WDR33: variants seen among roughly 807,000 people sequenced by gnomAD.
WDR33 encodes WD repeat domain 33, also known as pre-mRNA 3' end processing protein WDR33.
In WDR33, 47 loss-of-function variants were observed where a neutral mutation model predicts 164.9. That is an observed-to-expected ratio of 0.29 (90% CI 0.23 to 0.36). WDR33 has a LOEUF of 0.36. Ranked by LOEUF, WDR33 falls within the 10% of genes least tolerant of loss-of-function variation. The pLI, the probability that WDR33 is intolerant of heterozygous loss-of-function variation, is 1.00. For missense variants in WDR33, 1,137 were observed against 1,754.1 expected (o/e 0.65, Z 6.28); for synonymous variants, 505 against 589.0 (o/e 0.86, Z 2.06).
chr2:127,805,302 G>C (rs1371104187), intron 1 of WDR33, among the ~76,000 whole-genome samples: 1 of 151,292 alleles, frequency 6.6e-6, no homozygotes, highest in Admixed American at 6.6e-5. Flanking sequence ...GGCTGGTCTT[G>C]AACTCCTGGG....
chr2:127,786,537 G>A (rs1225594083), intron 1 of WDR33, among the ~76,000 whole-genome samples: 2 of 152,114 alleles, frequency 1.3e-5, no homozygotes, highest in Non-Finnish European at 2.9e-5. Context: ...ACAAACATTA[G>A]CTGGGCATGG....
Position 127,718,747 on chromosome 2 carries a change from C to G in WDR33, c.2760+518G>C, listed in dbSNP as rs2105379361. Among the ~76,000 whole-genome samples the G allele has an allele frequency of 6.6e-6, 1 of 152,288 alleles. No homozygotes were observed. The highest frequency in any genetic ancestry group is 1.9e-4 in the East Asian group (1 of 5,188). On this transcript the variant is annotated intron_variant, in intron 16 of 21. Coordinates refer to ENST00000322313, the MANE Select transcript of WDR33 (RefSeq NM_018383.5). This position sits in a 1 kb window ranked among gnomAD's most constrained non-coding sequence, Gnocchi z 4.4. ...CTTTATTTCTATTCACTGTAATAAA[C>G]AGAGTGAGGTACAGAGTCTATAGTA...
chr2:127,721,077 A>G lies in WDR33; in HGVS notation c.1672-724T>C, dbSNP rs1686426091. The stretch of plus-strand genomic sequence containing the variant: ...AAAAATGTATATTTAACTTAGATCT[A>G]CTCACTGCCCCACTAATTCAGTTTT... On this transcript the variant is annotated intron_variant, in intron 15 of 21. Coordinates refer to ENST00000322313, the MANE Select transcript of WDR33 (RefSeq NM_018383.5). The surrounding 1 kb of genome is among the most constrained non-coding windows in gnomAD (Gnocchi z 4.9). Among the ~76,000 whole-genome samples the G allele has an allele frequency of 6.6e-6, 1 of 152,094 alleles. No individual in the cohort carries two copies. The highest frequency in any genetic ancestry group is 2.4e-5 in the African/African-American group (1 of 41,416).
chr2:127,735,778 G>A lies in WDR33; in HGVS notation c.725-9001C>T, dbSNP rs959457004. The A allele has an allele frequency of 4.0e-5, 39 of 985,276 alleles. No individual in the cohort carries two copies. The highest frequency in any genetic ancestry group is 5.2e-5 in the African/African-American group (3 of 57,228). The allele number at this position is 985,276 out of a possible 1,614,324, so 61.0% of individuals were successfully genotyped here. A position where few individuals can be genotyped will look rare whatever the true frequency, so the allele number is the denominator to read the frequency against. On this transcript the variant is annotated intron_variant, in intron 7 of 21. Transcript: ENST00000322313. This position sits in a 1 kb window ranked among gnomAD's most constrained non-coding sequence, Gnocchi z 4.3. ...AAGAAGCATAAGTAATCTGTGCTCTGGTCAAGGAATATGCAATTTATTAGT... is the reference window on the plus strand; with the variant it reads ...AAGAAGCATAAGTAATCTGTGCTCTAGTCAAGGAATATGCAATTTATTAGT...
intron 1 of WDR33, among the ~76,000 whole-genome samples, chr2:127,798,367 CAAAA>C (rs61568967): frequency 1.0e-4 from 2 of 19,296 alleles, no homozygotes; most frequent in African/African-American, 2.1e-4. Context: ...GACACCGTCG[CAAAA>C]AAAAAAAAAA....
chr2:127,711,765 TATATATA>T (rs1686173616), intron 18 of WDR33, among the ~76,000 whole-genome samples: 5 of 88,938 alleles, frequency 5.6e-5, no homozygotes, highest in African/African-American at 3.0e-4. Flanking sequence ...TATATATATA[TATATATA>T]TATATATATT....
chr2:127,786,342 T>G (rs1688570328), intron 1 of WDR33, among the ~76,000 whole-genome samples: 1 of 152,222 alleles, frequency 6.6e-6, no homozygotes, highest in Non-Finnish European at 1.5e-5. Flanking sequence ...GCCGATACTG[T>G]TTTTCTCTTA....
Position 127,725,179 on chromosome 2 carries a change from T to C in WDR33, c.888A>G (p.Leu296=), listed in dbSNP as rs1281383523. ...AHKNTVMEVK[L]NLNGNWLLTA... is the part of the protein sequence containing the mutation. Reference sequence around the variant, plus strand: ...TGAGTAGCCAATTGCCATTGAGGTTTAATTTCACTTCCATTACTGTGTTTT... The same window carrying C: ...TGAGTAGCCAATTGCCATTGAGGTTCAATTTCACTTCCATTACTGTGTTTT... Residue 296 remains leucine, a synonymous_variant, in exon 9 of 22, where the codon TTA becomes TTG. Coordinates refer to ENST00000322313, the MANE Select transcript of WDR33 (RefSeq NM_018383.5). The C allele has an allele frequency of 1.9e-6, 3 of 1,612,582 alleles. No individual in the cohort carries two copies. Among genetic ancestry groups the C allele is most frequent in the Admixed American group, 3.4e-5 (2 of 59,670 alleles).
At chr2:127,768,553 A>C (rs1687894030) in intron 3 of WDR33, among the ~76,000 whole-genome samples, 1 of 152,194 alleles carries the variant, frequency 6.6e-6, no homozygotes, top group Admixed American at 6.5e-5. Flanking sequence ...AAGTTAGTAC[A>C]AGTACTAACC....
At chr2:127,744,127 G>C (rs181593794) in intron 7 of WDR33, among the ~76,000 whole-genome samples, 1 of 152,244 alleles carries the variant, frequency 6.6e-6, no homozygotes, top group East Asian at 1.9e-4. Flanking sequence ...TTTTCAGTTT[G>C]GCTAGATGAC....
chr2:127,724,329 T>C lies in WDR33; in HGVS notation c.1196+4A>G. The C allele has an allele frequency of 6.2e-7, 1 of 1,612,008 alleles. No homozygotes were observed. The highest frequency in any genetic ancestry group is 8.5e-7 in the Non-Finnish European group (1 of 1,178,164). Reference sequence around the variant, plus strand: ...AAGCTTTGCTATTTCAATATAAAGCTTACCTAGTATGGTCATTTGAGCCTG... The same window carrying C: ...AAGCTTTGCTATTTCAATATAAAGCCTACCTAGTATGGTCATTTGAGCCTG... On this transcript the variant is annotated splice_donor_region_variant and intron_variant, in intron 11 of 21. Coordinates refer to ENST00000322313, the MANE Select transcript of WDR33 (RefSeq NM_018383.5). This position sits in a 1 kb window ranked among gnomAD's most constrained non-coding sequence, Gnocchi z 4.8.
intron 7 of WDR33, among the ~76,000 whole-genome samples, chr2:127,739,568 T>G (rs533507579): frequency 6.6e-6 from 1 of 152,384 alleles, no homozygotes; most frequent in Admixed American, 6.5e-5. Flanking sequence ...TTAAGTAATC[T>G]ACTTAACCCT....
At chr2:127,730,058 T>C (rs1686665844) in intron 7 of WDR33, among the ~76,000 whole-genome samples, 1 of 152,156 alleles carries the variant, frequency 6.6e-6, no homozygotes, top group African/African-American at 2.4e-5. Flanking sequence ...ACTAGGTAGC[T>C]TGGGACACAA....
chr2:127,727,713 C>G (rs775100511), intron 7 of WDR33, among the ~76,000 whole-genome samples: 28 of 152,142 alleles, frequency 1.8e-4, no homozygotes, highest in Non-Finnish European at 2.9e-4. Context: ...TTTTGAAAAA[C>G]TGGATGCTGT....
chr2:127,777,962 T>C (rs1688239538), intron 1 of WDR33, among the ~76,000 whole-genome samples: 1 of 152,134 alleles, frequency 6.6e-6, no homozygotes, highest in Non-Finnish European at 1.5e-5. Context: ...TGTATAATCT[T>C]AGTCATGTGA....
rs190738826 is a variant in WDR33, at chr2:127,741,034, C to A, written c.725-14257G>T. On this transcript the variant is annotated intron_variant, in intron 7 of 21. Transcript: ENST00000322313. The surrounding 1 kb of genome is among the most constrained non-coding windows in gnomAD (Gnocchi z 4.1). ...TAGTTGTCAGTGACAAAGGTTGTGG[C>A]AAAGGCTCAGTGACAAAGGCTGTGA... Among the ~76,000 whole-genome samples the A allele has an allele frequency of 2.0e-5, 3 of 152,280 alleles. No individual in the cohort carries two copies. The East Asian group carries it at 5.8e-4, about 29-fold the overall frequency.
chr2:127,810,239 T>C (rs1689602475), intron 1 of WDR33, among the ~76,000 whole-genome samples: 1 of 152,198 alleles, frequency 6.6e-6, no homozygotes, highest in Non-Finnish European at 1.5e-5. Flanking sequence ...GAAACTACTT[T>C]AAAACATTCT....
At chr2:127,777,617 A>G (rs193067687) in intron 1 of WDR33, among the ~76,000 whole-genome samples, 35 of 152,370 alleles carry the variant, frequency 2.3e-4, no homozygotes, top group Admixed American at 1.9e-3. Flanking sequence ...GCACAAGTCT[A>G]TACCAACGTT....
intron 1 of WDR33, among the ~76,000 whole-genome samples, chr2:127,775,483 C>G (rs2105451425): frequency 6.6e-6 from 1 of 152,300 alleles, no homozygotes; most frequent in South Asian, 2.1e-4. Context: ...GCCATCGTGC[C>G]TGGCCCACTG....
Sources: allele counts gnomAD v4.1 joint callset (sites outside exome capture counted in the v4.1 genomes callset), GRCh38; gene constraint gnomAD v4.1.1; non-coding constraint Gnocchi (gnomAD v3.1); transcripts MANE v1.5; gene names NCBI Gene and HGNC (gene_info 2026-07-23, HGNC 2026-07-21).